ALPK1: variants seen among roughly 807,000 people sequenced by gnomAD.
ALPK1 encodes alpha kinase 1.
Under a neutral mutation model 120.6 loss-of-function variants are expected in ALPK1, and 110 were observed. That is an observed-to-expected ratio of 0.91 (90% confidence interval 0.78 to 1.07). The LOEUF (loss-of-function observed/expected upper bound fraction) is 1.07. Among genes scored for constraint, ALPK1 ranks in the 50% least tolerant of loss-of-function variants. The probability of loss-of-function intolerance (pLI) is 0.00; values close to 1 mark genes in which losing one functional copy is unlikely to be tolerated. For missense variants in ALPK1, 1,498 were observed against 1,483.9 expected, an observed-to-expected ratio of 1.01 and a Z score of -0.16; for synonymous variants, 582 against 560.3, an observed-to-expected ratio of 1.04 and a Z score of -0.55.
chr4:112,297,933 G>T (rs1401366085), intron 1 of ALPK1, among the ~76,000 whole-genome samples: 1 of 152,034 alleles, frequency 6.6e-6, no homozygotes, highest in Non-Finnish European at 1.5e-5. Flanking sequence ...CAGTAATTTT[G>T]CTAGGAAACA....
intron 2 of ALPK1, among the ~76,000 whole-genome samples, chr4:112,361,401 G>A (rs747586388): frequency 2.6e-5 from 4 of 152,228 alleles, no homozygotes; most frequent in Non-Finnish European, 5.9e-5. Flanking sequence ...ATTTAAGGCT[G>A]TAGGCTGCCA....
At chr4:112,394,133 C>A (rs1012097354) in intron 4 of ALPK1, among the ~76,000 whole-genome samples, 1 of 152,148 alleles carries the variant, frequency 6.6e-6, no homozygotes, top group African/African-American at 2.4e-5. Context: ...AATGACGGGA[C>A]CACCACAGCC....
In ALPK1 at chr4:112,403,689, A is replaced by C. The variant is rs115388380; in HGVS notation, c.277-8138A>C. 7.1e-3 allele frequency among the ~76,000 whole-genome samples: 1,079 copies of C among 152,360 alleles called. 15 individuals are homozygous for C. Among genetic ancestry groups the C allele is most frequent in the African/African-American group, 0.024 (986 of 41,576 alleles). ...ATGAATTCAGTGAGTTTGGCCTCTC[A>C]GCAGTGCTCAATAGCTGACAGAAAA... On this transcript the variant is annotated intron_variant, in intron 4 of 15. Transcript: ENST00000650871.
chr4:112,432,876 G>A (rs1359441179), intron 11 of ALPK1, among the ~76,000 whole-genome samples: 1 of 152,178 alleles, frequency 6.6e-6, no homozygotes, highest in Non-Finnish European at 1.5e-5. Context: ...CCATCACTAA[G>A]GGTTGAAAAC....
chr4:112,384,112 C>T (rs1301379697), intron 4 of ALPK1: 2 of 152,078 alleles, frequency 1.3e-5, no homozygotes, highest in African/African-American at 4.8e-5. Flanking sequence ...CATTATCATC[C>T]CTCTTTTGAA....
At chr4:112,354,507 C>T (rs1730509918) in intron 2 of ALPK1, among the ~76,000 whole-genome samples, 1 of 152,144 alleles carries the variant, frequency 6.6e-6, no homozygotes, top group Admixed American at 6.5e-5. Context: ...ACTCTATCAG[C>T]CAGGGGCTGG....
Position 112,431,019 on chromosome 4 carries a change from C to G in ALPK1, c.1472C>G (p.Thr491Ser). The part of the protein sequence containing the change: ...QKDAKTGVCI[T>S]ALKTEIKNID... ...GATGCAAAAACAGGAGTCTGCATCA[C>G]TGCTCTAAAAACAGAAATAAAAAAC... The change falls in exon 11 of 16, where the codon ACT becomes AGT. Residue 491 changes from threonine (T) to serine (S), a missense_variant. Physicochemically the swap from Thr to Ser is moderately conservative, Grantham distance 58. Transcript: ENST00000650871. 1 of 1,613,368 alleles carries G rather than the reference C, an allele frequency of 6.2e-7. No individual in the cohort carries two copies. The highest frequency in any genetic ancestry group is 1.1e-5 in the South Asian group (1 of 90,978).
intron 2 of ALPK1, among the ~76,000 whole-genome samples, chr4:112,319,022 T>C (rs1386952148): frequency 3.5e-4 from 53 of 152,102 alleles, no homozygotes; most frequent in Non-Finnish European, 7.4e-5. Flanking sequence ...AGTTTCTAAG[T>C]AGGAAAGTAA....
intron 9 of ALPK1, 120 bp from the exon 10 acceptor site, chr4:112,429,029 C>A (rs75260894): frequency 2.4e-6 from 2 of 839,722 alleles, no homozygotes; most frequent in East Asian, 2.5e-5. Flanking sequence ...CTGTTCTGAA[C>A]GGGTTGCGGT....
rs375743965 is a variant in ALPK1, at chr4:112,431,812, C to A, written c.2265C>A (p.Cys755Ter). The A allele has an allele frequency of 6.2e-7, 1 of 1,614,006 alleles. No individual in the cohort carries two copies. Among genetic ancestry groups the A allele is most frequent in the East Asian group, 2.2e-5 (1 of 44,878 alleles). Reference sequence around the variant, plus strand: ...TTGTTGAGTTTCCAGAAACCAACTGCGATGTCAAAGACAGGCAGGGGAAAG... The same window carrying A: ...TTGTTGAGTTTCCAGAAACCAACTGAGATGTCAAAGACAGGCAGGGGAAAG... The part of the protein sequence containing the change: ...EIIVEFPETN[C>*]DVKDRQGKEQ... The change falls in exon 11 of 16, where the codon TGC (cysteine) becomes TGA (stop). Residue 755 changes from cysteine to a stop codon, truncating the protein, a stop_gained. Transcript: ENST00000650871. LOFTEE classifies it high-confidence loss of function.
At chr4:112,352,357 G>A (rs1203918542) in intron 2 of ALPK1, among the ~76,000 whole-genome samples, 8 of 152,064 alleles carry the variant, frequency 5.3e-5, no homozygotes, top group African/African-American at 1.9e-4. Flanking sequence ...CCACAATTCT[G>A]AGTTTTAGTT....
chr4:112,376,477 T>C (rs1429927026), intron 2 of ALPK1, among the ~76,000 whole-genome samples: 2 of 152,180 alleles, frequency 1.3e-5, no homozygotes, highest in Non-Finnish European at 2.9e-5. Flanking sequence ...AAACACAAAA[T>C]TTAGATTACA....
chr4:112,320,476 G>A (rs571883592), intron 2 of ALPK1, among the ~76,000 whole-genome samples: 1 of 152,032 alleles, frequency 6.6e-6, no homozygotes, highest in Non-Finnish European at 1.5e-5. Flanking sequence ...TTGCATCTAT[G>A]TTCATAAGGA....
chr4:112,393,178 G>A (rs1028731678), intron 4 of ALPK1, among the ~76,000 whole-genome samples: 1 of 152,190 alleles, frequency 6.6e-6, no homozygotes, highest in Non-Finnish European at 1.5e-5. Context: ...AAGCCATGTG[G>A]TCACATTTCT....
rs756296739 is a variant in ALPK1 at position 112,429,285 on chromosome 4, A to T, written c.900+32A>T. ...GAATGCAGCCGCTCCTCAAACCCCC[A>T]CAGGACCTCTCCCAGGGTGCTTTCT... On this transcript the variant is annotated intron_variant, in intron 10 of 15. Transcript: ENST00000650871. 1.8e-5 allele frequency: 28 copies of T among 1,541,116 alleles called. No homozygotes were observed. In the Admixed American group the frequency reaches 2.8e-4, roughly 15 times the overall value.
Position 112,354,804 on chromosome 4 carries a change from C to T in ALPK1, c.-100-22874C>T, listed in dbSNP as rs567265450. Among the ~76,000 whole-genome samples, 3 of 152,248 alleles carry T rather than the reference C, an allele frequency of 2.0e-5. No homozygotes were observed. In the East Asian group the frequency reaches 5.8e-4, roughly 29 times the overall value. Reference sequence around the variant, plus strand: ...TTTTTCTAAGTGACAATAATTTTTGCATCATTTAATTATATACTAATTTAT... The same window carrying T: ...TTTTTCTAAGTGACAATAATTTTTGTATCATTTAATTATATACTAATTTAT... On this transcript the variant is annotated intron_variant, in intron 2 of 15. Coordinates refer to ENST00000650871, the MANE Select transcript of ALPK1 (RefSeq NM_025144.4).
chr4:112,309,409 C>T (rs1365263252), intron 1 of ALPK1, among the ~76,000 whole-genome samples: 2 of 152,196 alleles, frequency 1.3e-5, no homozygotes, highest in Non-Finnish European at 2.9e-5. Context: ...ATTTGAGCTT[C>T]CAGGCTGCTT....
chr4:112,421,174 C>G (rs907098032), intron 5 of ALPK1, among the ~76,000 whole-genome samples: 1 of 152,138 alleles, frequency 6.6e-6, no homozygotes, highest in African/African-American at 2.4e-5. Flanking sequence ...TACTCCATGC[C>G]TATAGAAAGT....
intron 2 of ALPK1, among the ~76,000 whole-genome samples, chr4:112,333,364 G>T (rs1044065327): frequency 3.9e-5 from 6 of 152,120 alleles, no homozygotes; most frequent in African/African-American, 1.4e-4. Flanking sequence ...AATATGTTTT[G>T]TAATGCCTTG....
Sources: gnomAD v4.1 joint callset for allele counts (sites outside exome capture counted in the v4.1 genomes callset) on GRCh38, gnomAD v4.1.1 for gene constraint, MANE v1.5 for transcripts, NCBI Gene and HGNC (gene_info 2026-07-23, HGNC 2026-07-21) for gene names.